PRPF4: variants seen among roughly 807,000 people sequenced by gnomAD.
PRPF4 encodes the protein pre-mRNA splicing tri-snRNP complex factor PRPF4, also known as U4/U6 small nuclear ribonucleoprotein Prp4.
A neutral mutation model predicts 72.2 loss-of-function variants in PRPF4; 14 were observed. The observed-to-expected ratio is 0.19, with a 90% CI of 0.13 to 0.30. PRPF4 has a LOEUF of 0.30. Among genes scored for constraint, PRPF4 ranks in the 10% least tolerant of loss-of-function variants. The pLI is 1.00. For synonymous variants in PRPF4, 225 were observed against 232.2 expected (o/e 0.97, Z 0.28); for missense variants, 478 against 653.9 (o/e 0.73, Z 2.93).
chr9:113,285,343 A>ATTTTTTTTTTT (rs71367713), intron 7 of PRPF4, among the ~76,000 whole-genome samples: 12 of 67,578 alleles, frequency 1.8e-4, no homozygotes, highest in Non-Finnish European at 2.3e-4. Context: ...GTCTCTACAA[A>ATTTTTTTTTTT]TTTTTTTTTT....
intron 9 of PRPF4, among the ~76,000 whole-genome samples, chr9:113,287,352 G>A (rs1832479524): frequency 6.6e-6 from 1 of 152,174 alleles, no homozygotes; most frequent in African/African-American, 2.4e-5. Flanking sequence ...AACAGCCACA[G>A]GGGAGAGGAA....
At chr9:113,288,370 A>G (rs970585087) in intron 10 of PRPF4, 106 bp downstream of exon 10, 4 of 1,012,382 alleles carry the variant, frequency 4.0e-6, no homozygotes, top group Admixed American at 4.7e-5. Flanking sequence ...TTCAGGTAGG[A>G]TTTTCTTGGG....
At chr9:113,287,700 G>T (rs1350814070) in intron 9 of PRPF4, among the ~76,000 whole-genome samples, 1 of 152,146 alleles carries the variant, frequency 6.6e-6, no homozygotes, top group South Asian at 2.1e-4. Context: ...TATTCCCCTT[G>T]GGCTTTGGCT....
chr9:113,285,807 G>A (rs1039571759), intron 7 of PRPF4, among the ~76,000 whole-genome samples: 3 of 152,104 alleles, frequency 2.0e-5, no homozygotes, highest in Admixed American at 1.3e-4. Flanking sequence ...TGAGGCTGCA[G>A]TGAACTGTGA....
intron 3 of PRPF4, among the ~76,000 whole-genome samples, chr9:113,279,559 T>C: frequency 6.6e-6 from 1 of 152,106 alleles, no homozygotes; most frequent in East Asian, 1.9e-4. Flanking sequence ...TTTTATATTT[T>C]TGTATTTTTA....
chr9:113,285,318 C>T (rs1354425103), intron 7 of PRPF4, among the ~76,000 whole-genome samples: 1 of 120,568 alleles, frequency 8.3e-6, no homozygotes, highest in African/African-American at 3.1e-5. Flanking sequence ...GGCTGGGCAA[C>T]AATAGTGAGA....
At chr9:113,280,811 CT>C (rs1442632675) in intron 3 of PRPF4, among the ~76,000 whole-genome samples, 1 of 152,080 alleles carries the variant, frequency 6.6e-6, no homozygotes, top group African/African-American at 2.4e-5. Flanking sequence ...TACTTTTATT[CT>C]TCTGTCTTGT....
intron 2 of PRPF4, among the ~76,000 whole-genome samples, chr9:113,277,407 A>T (rs1019044429): frequency 6.7e-6 from 1 of 149,450 alleles, no homozygotes; most frequent in African/African-American, 2.5e-5. Context: ...TGTGTGTGTG[A>T]CAGGGTCTCA....
In PRPF4 at chr9:113,290,964, C is replaced by G. The variant is rs540901799; in HGVS notation, c.1320C>G (p.Cys440Trp). 1.2e-6 allele frequency: 2 copies of G among 1,614,162 alleles called. No homozygotes were observed. The highest frequency in any genetic ancestry group is 1.6e-4 in the Middle Eastern group (1 of 6,062). Residue 440 changes from cysteine to tryptophan, a missense_variant, in exon 13 of 14, where the codon TGC (cysteine) becomes TGG (tryptophan). Cys to Trp is a radical substitution (Grantham distance 215). Coordinates refer to ENST00000374198, the MANE Select transcript of PRPF4 (RefSeq NM_001244926.2). ...CKVWDLRQRR[C>W]VYTIPAHQNL... ...TGTGGGACCTCCGACAGCGGCGTTGCGTCTACACCATCCCTGCTCATCAGA... is the reference window on the plus strand; with the variant it reads ...TGTGGGACCTCCGACAGCGGCGTTGGGTCTACACCATCCCTGCTCATCAGA...
In PRPF4 at chr9:113,286,787, T is replaced by C; in HGVS notation, c.891T>C (p.Ser297=). 7 of 1,614,212 alleles carry C rather than the reference T, an allele frequency of 4.3e-6. No individual in the cohort carries two copies. Among genetic ancestry groups the C allele is most frequent in the Non-Finnish European group, 5.9e-6 (7 of 1,180,030 alleles). ...ACCCAAAAGATGTCAACCTGGCCTC[T>C]TGTGCGGCTGATGGCTCTGTGAAGC... ...SLDPKDVNLA[S]CAADGSVKLW... Residue 297 remains serine, a synonymous_variant, in exon 9 of 14, where the codon TCT becomes TCC. Transcript: ENST00000374198.
At position 113,282,852 on chromosome 9, in the gene PRPF4, T is replaced by C; in HGVS notation, c.480+119T>C. ...TGTTGGGGGAAATGTTTTTGAAGGC[T>C]CTACCATTCAAGAAGAGTTGCTGGC... is the stretch of plus-strand genomic sequence containing the variant. On this transcript the variant is annotated intron_variant, in intron 4 of 13. Coordinates refer to ENST00000374198, the MANE Select transcript of PRPF4 (RefSeq NM_001244926.2). The C allele has an allele frequency of 5.8e-6, 6 of 1,043,024 alleles. No individual in the cohort carries two copies. In the South Asian group the frequency reaches 9.7e-5, roughly 17 times the overall value. The allele number at this position is 1,043,024 out of a possible 1,614,324, so 64.6% of individuals were successfully genotyped here.
chr9:113,292,076 G>A lies in PRPF4; in HGVS notation c.*416G>A, dbSNP rs116421819. 2.3e-3 allele frequency: 367 copies of A among 156,514 alleles called. No homozygotes were observed. Among genetic ancestry groups the A allele is most frequent in the African/African-American group, 8.2e-3 (342 of 41,552 alleles). 9.7% of individuals were successfully genotyped at this position (156,514 alleles called of 1,614,324 possible). A position where few individuals can be genotyped will look rare whatever the true frequency, so the allele number is the denominator to read the frequency against. Reference sequence around the variant, plus strand: ...AAAAATACTAAAATTAGCTGGTCGCGGTGGCTTCTGCCTGTGATTCCGGCT... The same window carrying A: ...AAAAATACTAAAATTAGCTGGTCGCAGTGGCTTCTGCCTGTGATTCCGGCT... On this transcript the variant is annotated 3_prime_UTR_variant, in exon 14 of 14. Coordinates refer to ENST00000374198, the MANE Select transcript of PRPF4 (RefSeq NM_001244926.2).
In PRPF4 at chr9:113,291,320, G is replaced by A. The variant is rs146736711; in HGVS notation, c.1373-147G>A. ...GAATAGATTCTCGGTCAGGGAATGAGCCAAAAGACCTTACTGTTATTTGTT... is the reference window on the plus strand; with the variant it reads ...GAATAGATTCTCGGTCAGGGAATGAACCAAAAGACCTTACTGTTATTTGTT... On this transcript the variant is annotated intron_variant, in intron 13 of 13. Transcript: ENST00000374198. 22 of 795,496 alleles carry A rather than the reference G, an allele frequency of 2.8e-5. No individual in the cohort carries two copies. The East Asian group carries it at 4.3e-4, about 15-fold the overall frequency. 49.3% of individuals were successfully genotyped at this position (795,496 alleles called of 1,614,324 possible).
intron 3 of PRPF4, among the ~76,000 whole-genome samples, chr9:113,282,096 A>G (rs574407061): frequency 6.6e-6 from 1 of 152,268 alleles, no homozygotes; most frequent in East Asian, 1.9e-4. Flanking sequence ...CTTATAGTTG[A>G]ATTTTGGAAA....
chr9:113,286,880 G>A lies in PRPF4; in HGVS notation c.932+52G>A, dbSNP rs557653099. 2.5e-6 allele frequency: 4 copies of A among 1,612,410 alleles called. No homozygotes were observed. In the African/African-American group the frequency reaches 4.0e-5, roughly 16 times the overall value. The stretch of plus-strand genomic sequence containing the variant: ...ACTGCCATCACTAAAGTAGATGTTT[G>A]ATTGGTTGGTCCCCAGGACCTCAGT... On this transcript the variant is annotated intron_variant, in intron 9 of 13. Coordinates refer to ENST00000374198, the MANE Select transcript of PRPF4 (RefSeq NM_001244926.2).
At chr9:113,291,041 C>G in intron 13 of PRPF4, 25 bp downstream of exon 13, 1 of 1,580,536 alleles carries the variant, frequency 6.3e-7, no homozygotes, top group Non-Finnish European at 8.7e-7. Context: ...TATTTTACGT[C>G]TAAATGACAC....
chr9:113,291,000 T>C lies in PRPF4; in HGVS notation c.1356T>C (p.Thr452=), dbSNP rs1453139652. The change falls in exon 13 of 14, where the codon ACT becomes ACC. Residue 452 remains threonine (T), a synonymous_variant. Transcript: ENST00000374198. ...TCCCTGCTCATCAGAACTTAGTGAC[T>C]GGTGTCAAGTTTGAGCGTAAGCTTT... ...YTIPAHQNLV[T]GVKFEPIHGN... is the part of the protein sequence containing the mutation. The C allele has an allele frequency of 6.2e-7, 1 of 1,613,766 alleles. No individual in the cohort carries two copies. Among genetic ancestry groups the C allele is most frequent in the East Asian group, 2.2e-5 (1 of 44,890 alleles).
rs771186168 is a variant in PRPF4 at position 113,283,384 on chromosome 9, C to T, written c.561-5C>T. On this transcript the variant is annotated splice_region_variant and splice_polypyrimidine_tract_variant and intron_variant, in intron 5 of 13. Coordinates refer to ENST00000374198, the MANE Select transcript of PRPF4 (RefSeq NM_001244926.2). ...GCTCCTGGTGATGGTGTTTCTGTGT[C>T]GCAGGGCAATGAAACGCTTGGAAGA... 6.8e-6 allele frequency: 11 copies of T among 1,614,010 alleles called. No homozygotes were observed. The highest frequency in any genetic ancestry group is 4.5e-5 in the East Asian group (2 of 44,876).
At chr9:113,291,339 A>T in intron 13 of PRPF4, 128 bp from the exon 14 acceptor site, 2 of 930,320 alleles carry the variant, frequency 2.1e-6, no homozygotes, top group Non-Finnish European at 3.2e-6. Context: ...CCTTACTGTT[A>T]TTTGTTCCCT....
Sources: gnomAD v4.1 joint callset for allele counts (sites outside exome capture counted in the v4.1 genomes callset) on GRCh38, gnomAD v4.1.1 for gene constraint, MANE v1.5 for transcripts, NCBI Gene and HGNC (gene_info 2026-07-23, HGNC 2026-07-21) for gene names.